The following PHACTR2 variants were observed in gnomAD, a reference collection of about 807,000 sequenced individuals.
The protein encoded by PHACTR2 is chromosome 6 open reading frame 56.
A neutral mutation model predicts 76.0 loss-of-function variants in PHACTR2; 30 were observed. The ratio of observed to expected loss-of-function variants is 0.39; its 90% confidence interval spans 0.30 to 0.54. The LOEUF (loss-of-function observed/expected upper bound fraction) is 0.54, where lower values mean the gene tolerates loss of function less well. Among genes scored for constraint, PHACTR2 ranks in the 20% least tolerant of loss-of-function variants. PHACTR2 has a pLI of 0.61. For synonymous variants in PHACTR2, 292 were observed against 292.5 expected (o/e 1.00, Z 0.02); for missense variants, 696 against 781.1 (o/e 0.89, Z 1.30).
At position 143,556,322 on chromosome 6, in the gene PHACTR2, C is replaced by T. The variant is rs1053393049; in HGVS notation, c.217+19115C>T. ...GTGTGGGGCATCTCCAATGCTCCTG[C>T]GTGCCAGGCACAAGGCGTGGGCCAG... On this transcript the variant is annotated intron_variant, in intron 1 of 11. Transcript: ENST00000367584. The surrounding 1 kb of genome is among the most constrained non-coding windows in gnomAD (Gnocchi z 4.3). Among the ~76,000 whole-genome samples, 2 of 152,168 alleles carry T rather than the reference C, an allele frequency of 1.3e-5. No homozygotes were observed. Among genetic ancestry groups the T allele is most frequent in the African/African-American group, 2.4e-5 (1 of 41,430 alleles).
At position 143,698,789 on chromosome 6, in the gene PHACTR2, T is replaced by C. The variant is rs1324897824; in HGVS notation, c.47-13227T>C. On this transcript the variant is annotated intron_variant, in intron 1 of 12. Coordinates refer to ENST00000440869, the MANE Select transcript of PHACTR2 (RefSeq NM_001100164.2). The surrounding 1 kb of genome is among the most constrained non-coding windows in gnomAD (Gnocchi z 4.3). Reference sequence around the variant, plus strand: ...TTTTGCTTACCATTGTAGCCCTTCCTCTATAATAGCTGCTCAGTTAATTGT... The same window carrying C: ...TTTTGCTTACCATTGTAGCCCTTCCCCTATAATAGCTGCTCAGTTAATTGT... Among the ~76,000 whole-genome samples the C allele has an allele frequency of 3.9e-5, 6 of 152,230 alleles. No homozygotes were observed. Among genetic ancestry groups the C allele is most frequent in the African/African-American group, 1.4e-4 (6 of 41,452 alleles).
chr6:143,701,091 CT>C (rs1380559876), intron 1 of PHACTR2, among the ~76,000 whole-genome samples: 2 of 152,190 alleles, frequency 1.3e-5, no homozygotes, highest in Admixed American at 6.5e-5. Flanking sequence ...ATAAGAGCGA[CT>C]TTATTTAATC....
chr6:143,678,330 G>T lies in PHACTR2; in HGVS notation c.46+121G>T. On this transcript the variant is annotated intron_variant, in intron 1 of 12. Coordinates refer to ENST00000440869, the MANE Select transcript of PHACTR2 (RefSeq NM_001100164.2). This position sits in a 1 kb window ranked among gnomAD's most constrained non-coding sequence, Gnocchi z 6.2. ...CCGCTCGGACCCGCCAAGTCCCTCG[G>T]AGAAACCCCAGAGGTAGCGCTCGCC... is the stretch of plus-strand genomic sequence containing the variant. 1 of 898,420 alleles carries T rather than the reference G, an allele frequency of 1.1e-6. No homozygotes were observed. The highest frequency in any genetic ancestry group is 2.3e-5 in the South Asian group (1 of 42,714). The allele number at this position is 898,420 out of a possible 1,614,324, so 55.7% of individuals were successfully genotyped here. A position where few individuals can be genotyped will look rare whatever the true frequency, so the allele number is the denominator to read the frequency against.
rs55737411 is a variant in PHACTR2 at position 143,802,647 on chromosome 6, C to CAAAAAAAAAAAAAA, written c.1846-4406_1846-4393dup. On this transcript the variant is annotated intron_variant, in intron 11 of 12. Transcript: ENST00000440869. Reference sequence around the variant, plus strand: ...TGGGTGACAGAACAAGACCCTGTCTCAAAAAAAAAAAAAAAAATCAGTCCT... The same window carrying CAAAAAAAAAAAAAA: ...TGGGTGACAGAACAAGACCCTGTCTCAAAAAAAAAAAAAAAAAAAAAAAAAAAAAAATCAGTCCT... 1.9e-4 allele frequency among the ~76,000 whole-genome samples: 17 copies of CAAAAAAAAAAAAAA among 90,090 alleles called. 1 individual carries two copies. In the East Asian group the frequency reaches 5.0e-3, roughly 26 times the overall value. 59.1% of individuals were successfully genotyped at this position (90,090 alleles called of 152,430 possible). A position where few individuals can be genotyped will look rare whatever the true frequency, so the allele number is the denominator to read the frequency against.
chr6:143,576,557 G>A (rs1166831998), intron 1 of PHACTR2, among the ~76,000 whole-genome samples: 1 of 152,162 alleles, frequency 6.6e-6, no homozygotes, highest in Non-Finnish European at 1.5e-5. Context: ...GGGAATATTT[G>A]TGGTTTTTAA....
Position 143,679,875 on chromosome 6 carries a change from GA to G in PHACTR2, c.46+1669del. 1.3e-5 allele frequency among the ~76,000 whole-genome samples: 2 copies of G among 152,246 alleles called. No individual in the cohort carries two copies. The highest frequency in any genetic ancestry group is 4.1e-4 in the South Asian group (2 of 4,826). On this transcript the variant is annotated intron_variant, in intron 1 of 12. Transcript: ENST00000440869. The surrounding 1 kb of genome is among the most constrained non-coding windows in gnomAD (Gnocchi z 4.6). ...TAAACAAAAATTTATGCTTGATCAT[GA>G]AAGATAATTCAGAGAAATATCTCAC...
Position 143,776,278 on chromosome 6 carries a change from A to G in PHACTR2, c.1590-1050A>G, listed in dbSNP as rs189253280. On this transcript the variant is annotated intron_variant, in intron 8 of 12. Coordinates refer to ENST00000440869, the MANE Select transcript of PHACTR2 (RefSeq NM_001100164.2). The surrounding 1 kb of genome is among the most constrained non-coding windows in gnomAD (Gnocchi z 5.3). ...CAATTATTTGTGGTGAAGAAAAGGT[A>G]TAAATTGTAGGAAAGATATACTGTT... 5.4e-4 allele frequency among the ~76,000 whole-genome samples: 83 copies of G among 152,342 alleles called. No individual in the cohort carries two copies. The highest frequency in any genetic ancestry group is 1.0e-3 in the Non-Finnish European group (70 of 68,022).
rs967453702 is a variant in PHACTR2, at chr6:143,709,086, C to T, written c.47-2930C>T. 5.9e-5 allele frequency among the ~76,000 whole-genome samples: 9 copies of T among 152,190 alleles called. No homozygotes were observed. Among genetic ancestry groups the T allele is most frequent in the African/African-American group, 1.9e-4 (8 of 41,440 alleles). ...AGTAAAACCATACTCTCAGTTCCCC[C>T]TGGGTTTGCCCTCTGGTTCAAAGAG... On this transcript the variant is annotated intron_variant, in intron 1 of 12. Coordinates refer to ENST00000440869, the MANE Select transcript of PHACTR2 (RefSeq NM_001100164.2). The surrounding 1 kb of genome is among the most constrained non-coding windows in gnomAD (Gnocchi z 4.4).
At position 143,596,618 on chromosome 6, in the gene PHACTR2, C is replaced by A. The variant is rs989316013; in HGVS notation, c.217+59411C>A. Among the ~76,000 whole-genome samples, 8 of 152,028 alleles carry A rather than the reference C, an allele frequency of 5.3e-5. No individual in the cohort carries two copies. Among genetic ancestry groups the A allele is most frequent in the African/African-American group, 1.9e-4 (8 of 41,386 alleles). ...TTATGGGATGCCAAGGTGGGAGGATCACATGAGCCTAGTAGTTTGAGATCA... is the reference window on the plus strand; with the variant it reads ...TTATGGGATGCCAAGGTGGGAGGATAACATGAGCCTAGTAGTTTGAGATCA... On this transcript the variant is annotated intron_variant, in intron 1 of 11. Transcript: ENST00000367584. This position sits in a 1 kb window ranked among gnomAD's most constrained non-coding sequence, Gnocchi z 4.6.
Position 143,554,178 on chromosome 6 carries a change from A to G in PHACTR2, c.217+16971A>G, listed in dbSNP as rs957763859. On this transcript the variant is annotated intron_variant, in intron 1 of 11. Coordinates refer to the PHACTR2 transcript ENST00000367584. The surrounding 1 kb of genome is among the most constrained non-coding windows in gnomAD (Gnocchi z 5.9). ...GAGTGAATCCACAGTATGCAGGGCT[A>G]TGGTGTCTGCTTCTTCTCAGGAAGG... 5 of 152,210 alleles carry G rather than the reference A, an allele frequency of 3.3e-5. No homozygotes were observed. Among genetic ancestry groups the G allele is most frequent in the African/African-American group, 1.2e-4 (5 of 41,446 alleles). 9.4% of individuals were successfully genotyped at this position (152,210 alleles called of 1,614,324 possible).
At chr6:143,606,791 T>A (rs556624324), upstream of PHACTR2, among the ~76,000 whole-genome samples, 7 of 152,260 alleles carry the variant, frequency 4.6e-5, no homozygotes, top group East Asian at 1.4e-3. Flanking sequence ...TTTTTAAAAA[T>A]ATATAAAGAT....
Position 143,765,121 on chromosome 6 carries a change from T to C in PHACTR2, c.695-140T>C, listed in dbSNP as rs143603616. 4.4e-4 allele frequency: 296 copies of C among 671,292 alleles called. 1 individual carries two copies. The highest frequency in any genetic ancestry group is 4.0e-5 in the Non-Finnish European group (16 of 396,636). The allele number at this position is 671,292 out of a possible 1,614,324, so 41.6% of individuals were successfully genotyped here. ...CAGAAGACAAGACTATTATCATGAT[T>C]AGCCTATTTTCTCTTATACATTTAT... On this transcript the variant is annotated intron_variant, in intron 5 of 12. Coordinates refer to ENST00000440869, the MANE Select transcript of PHACTR2 (RefSeq NM_001100164.2). This position sits in a 1 kb window ranked among gnomAD's most constrained non-coding sequence, Gnocchi z 4.1.
chr6:143,614,213 C>T (rs1419771536), intron 1 of PHACTR2, among the ~76,000 whole-genome samples: 1 of 152,136 alleles, frequency 6.6e-6, no homozygotes, highest in African/African-American at 2.4e-5. Context: ...CAGAGTGAGA[C>T]TCCGTCTCAA....
intron 1 of PHACTR2, among the ~76,000 whole-genome samples, chr6:143,640,542 C>G (rs184714635): frequency 2.4e-4 from 36 of 152,344 alleles, no homozygotes; most frequent in African/African-American, 8.7e-4. Flanking sequence ...GCAGACCTCA[C>G]AGAACCAGTC....
rs775857529 is a variant in PHACTR2 at position 143,765,638 on chromosome 6, A to G, written c.1072A>G (p.Ile358Val). The G allele has an allele frequency of 5.6e-6, 9 of 1,613,936 alleles. No individual in the cohort carries two copies. The highest frequency in any genetic ancestry group is 1.7e-5 in the Admixed American group (1 of 59,994). ...CCCTCTCCCTCTTGAGGATCAGTGC[A>G]TTACTGCCTCAGACACTCCAGTTGT... is the stretch of plus-strand genomic sequence containing the variant. ...APPLPLEDQC[I>V]TASDTPVVLV... The change falls in exon 6 of 13, where the codon ATT becomes GTT. Residue 358 changes from isoleucine (I) to valine (V), a missense_variant. Coordinates refer to ENST00000440869, the MANE Select transcript of PHACTR2 (RefSeq NM_001100164.2). This position sits in a 1 kb window ranked among gnomAD's most constrained non-coding sequence, Gnocchi z 4.1.
chr6:143,782,725 T>C lies in PHACTR2; in HGVS notation c.1646-494T>C, dbSNP rs1775459237. Among the ~76,000 whole-genome samples the C allele has an allele frequency of 6.6e-6, 1 of 152,166 alleles. No homozygotes were observed. Among genetic ancestry groups the C allele is most frequent in the South Asian group, 2.1e-4 (1 of 4,834 alleles). On this transcript the variant is annotated intron_variant, in intron 9 of 12. Transcript: ENST00000440869. The surrounding 1 kb of genome is among the most constrained non-coding windows in gnomAD (Gnocchi z 4.6). ...GAAACGAAGGAAGACAAATCAAATA[T>C]TTTGGTTGGATTTGAGTGGAAATCA...
chr6:143,571,299 TCTA>T lies in PHACTR2; in HGVS notation c.217+34097_217+34099del, dbSNP rs1274580840. The stretch of plus-strand genomic sequence containing the variant: ...TCCTTCTGCATTTATCAATTGGAAT[TCTA>T]CTACAATGAAGAGCTACCTCTTCTG... On this transcript the variant is annotated intron_variant, in intron 1 of 11. Coordinates refer to the PHACTR2 transcript ENST00000367584. This position sits in a 1 kb window ranked among gnomAD's most constrained non-coding sequence, Gnocchi z 4.6. Among the ~76,000 whole-genome samples, 2 of 152,262 alleles carry T rather than the reference TCTA, an allele frequency of 1.3e-5. No homozygotes were observed. The highest frequency in any genetic ancestry group is 2.9e-5 in the Non-Finnish European group (2 of 68,038).
In PHACTR2 at chr6:143,652,498, T is replaced by C. The variant is rs1401031109; in HGVS notation, c.13+44176T>C. The stretch of plus-strand genomic sequence containing the variant: ...TTAAATGAGAATCTCTTCAAAGTGA[T>C]GCACGCTGTGTTTTTCCCTGTGAGA... On this transcript the variant is annotated intron_variant, in intron 1 of 11. Transcript: ENST00000305766. The surrounding 1 kb of genome is among the most constrained non-coding windows in gnomAD (Gnocchi z 4.5). 3.9e-5 allele frequency among the ~76,000 whole-genome samples: 6 copies of C among 152,266 alleles called. No individual in the cohort carries two copies. Among genetic ancestry groups the C allele is most frequent in the African/African-American group, 1.4e-4 (6 of 41,480 alleles).
chr6:143,796,461 T>A (rs1775825235), intron 11 of PHACTR2, among the ~76,000 whole-genome samples: 1 of 152,092 alleles, frequency 6.6e-6, no homozygotes. Context: ...GTGCAGAACG[T>A]GTAGGTTTGT....
Sources: gnomAD v4.1 joint callset for allele counts (sites outside exome capture counted in the v4.1 genomes callset) on GRCh38, gnomAD v4.1.1 for gene constraint, Gnocchi (gnomAD v3.1) non-coding constraint, MANE v1.5 for transcripts, NCBI Gene and HGNC (gene_info 2026-07-23, HGNC 2026-07-21) for gene names.